The following STON2 variants were observed in gnomAD, a reference collection of about 807,000 sequenced individuals.
STON2 encodes stonin-2.
STON2 carries 29 observed loss-of-function variants against 65.7 expected under a neutral mutation model. The ratio of observed to expected loss-of-function variants is 0.44; its 90% CI spans 0.33 to 0.60. The LOEUF is 0.60. STON2 is among the 20% of genes least tolerant of loss of function. The probability of loss-of-function intolerance (pLI) is 0.03; values close to 1 mark genes in which losing one functional copy is unlikely to be tolerated. For synonymous variants in STON2, 404 were observed against 414.2 expected, an observed-to-expected ratio of 0.98 and a Z score of 0.30; for missense variants, 1,054 against 1,118.1, an observed-to-expected ratio of 0.94 and a Z score of 0.82.
chr14:81,287,664 C>A (rs907856276), intron 5 of STON2, among the ~76,000 whole-genome samples: 9 of 152,150 alleles, frequency 5.9e-5, no homozygotes, highest in Admixed American at 1.3e-4. Flanking sequence ...GGACTATCCC[C>A]AGTTTATTCC....
chr14:81,316,375 G>A (rs1429874751), intron 5 of STON2, among the ~76,000 whole-genome samples: 1 of 152,152 alleles, frequency 6.6e-6, no homozygotes, highest in Admixed American at 6.5e-5. Flanking sequence ...CTCTAACATT[G>A]TGGTATGGAA....
At chr14:81,281,336 T>C (rs1458953210) in intron 5 of STON2, among the ~76,000 whole-genome samples, 5 of 152,242 alleles carry the variant, frequency 3.3e-5, no homozygotes, top group Admixed American at 3.3e-4. Context: ...ATTGTGGTCC[T>C]GAGTGAAATA....
intron 4 of STON2, among the ~76,000 whole-genome samples, chr14:81,353,305 G>C (rs767505069): frequency 7.9e-5 from 12 of 152,154 alleles, no homozygotes; most frequent in Non-Finnish European, 1.5e-4. Flanking sequence ...ATACACTTAA[G>C]CCTAGGTAAT....
intron 3 of STON2, among the ~76,000 whole-genome samples, chr14:81,379,556 G>A (rs10145707): frequency 0.56 from 85,066 of 151,964 alleles, 25,385 homozygotes; most frequent in African/African-American, 0.76. Context: ...TCCTAAGCAA[G>A]AAGAACACAG....
chr14:81,263,802 C>T lies in STON2; in HGVS notation c.*4612G>A. Reference sequence around the variant, plus strand: ...TAAGCAGGCTGGATGGTAGTGCTTCCTACTTAAACCAATTTAATATTCCCA... The same window carrying T: ...TAAGCAGGCTGGATGGTAGTGCTTCTTACTTAAACCAATTTAATATTCCCA... On this transcript the variant is annotated 3_prime_UTR_variant, in exon 8 of 8. Transcript: ENST00000614646. 1 of 985,316 alleles carries T rather than the reference C, an allele frequency of 1.0e-6. No individual in the cohort carries two copies. Among genetic ancestry groups the T allele is most frequent in the Non-Finnish European group, 1.2e-6 (1 of 829,904 alleles). The allele number at this position is 985,316 out of a possible 1,614,324, so 61.0% of individuals were successfully genotyped here.
rs1319533651 is a variant in STON2, at chr14:81,265,326, T to C, written c.*3088A>G. 1 of 984,574 alleles carries C rather than the reference T, an allele frequency of 1.0e-6. No homozygotes were observed. The allele number at this position is 984,574 out of a possible 1,614,324, so 61.0% of individuals were successfully genotyped here. On this transcript the variant is annotated 3_prime_UTR_variant, in exon 8 of 8. Coordinates refer to ENST00000614646, the MANE Select transcript of STON2 (RefSeq NM_001394390.1). Reference sequence around the variant, plus strand: ...AAAAACAGTAGAGGGAAAACAAATTTGATGAAATTAAGATGTTAGGTTTTT... The same window carrying C: ...AAAAACAGTAGAGGGAAAACAAATTCGATGAAATTAAGATGTTAGGTTTTT...
intron 5 of STON2, among the ~76,000 whole-genome samples, chr14:81,289,408 G>A (rs966227822): frequency 6.6e-6 from 1 of 152,170 alleles, no homozygotes; most frequent in Non-Finnish European, 1.5e-5. Context: ...ATAAGTGGGG[G>A]ACTGGTCAGT....
chr14:81,435,443 T>C (rs1902379159), intron 1 of STON2, among the ~76,000 whole-genome samples: 1 of 152,022 alleles, frequency 6.6e-6, no homozygotes, highest in Admixed American at 6.6e-5. Context: ...GCTCATATAA[T>C]CCTCAAAACA....
At chr14:81,410,416 G>C (rs936167634) in intron 2 of STON2, among the ~76,000 whole-genome samples, 1 of 151,298 alleles carries the variant, frequency 6.6e-6, no homozygotes, top group African/African-American at 2.4e-5. Context: ...AGATTTTACA[G>C]ATGCAATTAA....
chr14:81,426,435 C>T (rs1349783482), intron 2 of STON2, among the ~76,000 whole-genome samples: 2 of 152,190 alleles, frequency 1.3e-5, no homozygotes, highest in Non-Finnish European at 2.9e-5. Context: ...TACCTTCATT[C>T]CTTCACAGCT....
At position 81,266,632 on chromosome 14, in the gene STON2, G is replaced by C. The variant is rs12889291; in HGVS notation, c.*1782C>G. Reference sequence around the variant, plus strand: ...CAACCCTCCATTTAGATATGGACTAGATGGAGGGTTAATAAAAGCATGTAA... The same window carrying C: ...CAACCCTCCATTTAGATATGGACTACATGGAGGGTTAATAAAAGCATGTAA... On this transcript the variant is annotated 3_prime_UTR_variant, in exon 8 of 8. Coordinates refer to ENST00000614646, the MANE Select transcript of STON2 (RefSeq NM_001394390.1). 200,723 of 961,782 alleles carry C rather than the reference G, an allele frequency of 0.21. 21,858 individuals are homozygous for C. Among genetic ancestry groups the C allele is most frequent in the African/African-American group, 0.35 (20,086 of 56,750 alleles). The allele number at this position is 961,782 out of a possible 1,614,324, so 59.6% of individuals were successfully genotyped here.
At chr14:81,398,237 C>T in intron 2 of STON2, 58 bp downstream of exon 2, 12 of 1,274,272 alleles carry the variant, frequency 9.4e-6, no homozygotes, top group Non-Finnish European at 1.3e-5. Flanking sequence ...GAAGCCATAA[C>T]AAATAGACAT....
chr14:81,340,862 A>G (rs1276196217), intron 4 of STON2, among the ~76,000 whole-genome samples: 5 of 151,388 alleles, frequency 3.3e-5, no homozygotes, highest in Admixed American at 2.0e-4. Flanking sequence ...ATATATATCA[A>G]TATATACTAT....
intron 4 of STON2, among the ~76,000 whole-genome samples, chr14:81,328,927 C>T (rs916329062): frequency 3.3e-5 from 5 of 152,138 alleles, no homozygotes; most frequent in African/African-American, 7.2e-5. Flanking sequence ...GATGCCAGCG[C>T]CATGCTTCTT....
intron 7 of STON2, chr14:81,270,101 T>C (rs1447727826): frequency 1.1e-6 from 1 of 942,940 alleles, no homozygotes; most frequent in Admixed American, 6.2e-5. Flanking sequence ...TCTTTTTCTT[T>C]TTTTGAGACA....
At chr14:81,301,934 G>A (rs1895985174) in intron 5 of STON2, among the ~76,000 whole-genome samples, 1 of 152,118 alleles carries the variant, frequency 6.6e-6, no homozygotes, top group East Asian at 1.9e-4. Context: ...AACAGCTTAA[G>A]CCTAGATCTT....
chr14:81,310,206 T>G (rs758171033), intron 5 of STON2, among the ~76,000 whole-genome samples: 5 of 152,202 alleles, frequency 3.3e-5, no homozygotes, highest in East Asian at 3.8e-4. Flanking sequence ...CTGCTTTTGA[T>G]AAGACACAAA....
At chr14:81,295,577 T>A (rs1448642937) in intron 5 of STON2, among the ~76,000 whole-genome samples, 1 of 152,210 alleles carries the variant, frequency 6.6e-6, no homozygotes, top group Non-Finnish European at 1.5e-5. Context: ...GGCTAGAACA[T>A]TCTTGCACCT....
intron 2 of STON2, among the ~76,000 whole-genome samples, chr14:81,426,359 T>C (rs1372580472): frequency 1.3e-5 from 2 of 152,216 alleles, no homozygotes; most frequent in African/African-American, 4.8e-5. Context: ...CGAGCCAGCT[T>C]GAATTTCCCA....
Sources: gnomAD v4.1 joint callset for allele counts (sites outside exome capture counted in the v4.1 genomes callset) on GRCh38, gnomAD v4.1.1 for gene constraint, MANE v1.5 for transcripts, NCBI Gene and HGNC (gene_info 2026-07-23, HGNC 2026-07-21) for gene names.